The following NRXN1 variants were observed in gnomAD, a reference collection of about 807,000 sequenced individuals.
The protein encoded by NRXN1 is neurexin-1.
NRXN1 carries 39 observed loss-of-function variants against 150.9 expected under a neutral mutation model. The ratio of observed to expected loss-of-function variants is 0.26; its 90% CI spans 0.20 to 0.34. The LOEUF (loss-of-function observed/expected upper bound fraction) is 0.34, where lower values mean the gene tolerates loss of function less well. Among genes scored for constraint, NRXN1 ranks in the 10% least tolerant of loss-of-function variants. The pLI is 1.00. For synonymous variants in NRXN1, 924 were observed against 757.0 expected, an observed-to-expected ratio of 1.22 and a Z score of -3.62; for missense variants, 1,815 against 1,949.9, an observed-to-expected ratio of 0.93 and a Z score of 1.30.
chr2:50,074,083 T>C (rs1474260331), intron 19 of NRXN1, among the ~76,000 whole-genome samples: 2 of 152,072 alleles, frequency 1.3e-5, no homozygotes, highest in African/African-American at 4.8e-5. Flanking sequence ...GTCTTTAAAA[T>C]AAACAAAAAA....
Position 50,323,101 on chromosome 2 carries a change from C to T in NRXN1, c.3365-86131G>A, listed in dbSNP as rs372689066. On this transcript the variant is annotated intron_variant, in intron 17 of 22. Transcript: ENST00000401669. Reference sequence around the variant, plus strand: ...CATAAAACTTATCGGAAGCTTTCTTCCACCCAATTAACAAATCCCTGAGGG... The same window carrying T: ...CATAAAACTTATCGGAAGCTTTCTTTCACCCAATTAACAAATCCCTGAGGG... Among the ~76,000 whole-genome samples, 30 of 152,262 alleles carry T rather than the reference C, an allele frequency of 2.0e-4. No homozygotes were observed. The East Asian group carries it at 4.2e-3, about 22-fold the overall frequency.
intron 5 of NRXN1, among the ~76,000 whole-genome samples, chr2:50,899,238 G>C (rs889865532): frequency 2.0e-5 from 3 of 152,110 alleles, no homozygotes; most frequent in African/African-American, 4.8e-5. Context: ...ATTTGAATTA[G>C]CCGGATTCCA....
Position 50,621,220 on chromosome 2 carries a change from G to C in NRXN1, c.1158+6C>G. ...TGATATCTACCGAACAATGTAGTTT[G>C]TTTACCATAGCGTGTCCAATGCCTG... is the stretch of plus-strand genomic sequence containing the variant. On this transcript the variant is annotated splice_donor_region_variant and intron_variant, in intron 7 of 22. Transcript: ENST00000401669. 1 of 1,568,734 alleles carries C rather than the reference G, an allele frequency of 6.4e-7. No homozygotes were observed. The highest frequency in any genetic ancestry group is 8.7e-7 in the Non-Finnish European group (1 of 1,155,390).
At chr2:50,765,709 C>T (rs1280692637) in intron 5 of NRXN1, among the ~76,000 whole-genome samples, 2 of 152,028 alleles carry the variant, frequency 1.3e-5, no homozygotes, top group Non-Finnish European at 2.9e-5. Flanking sequence ...TTCAGCCATG[C>T]TCCTTCTAAG....
chr2:50,917,331 G>T (rs140913087), intron 5 of NRXN1: 1 of 151,674 alleles, frequency 6.6e-6, no homozygotes, highest in African/African-American at 2.4e-5. Context: ...ACCAAATTAG[G>T]TCTATATCAG....
At chr2:50,459,958 A>G (rs1467852369) in intron 17 of NRXN1, among the ~76,000 whole-genome samples, 1 of 152,108 alleles carries the variant, frequency 6.6e-6, no homozygotes, top group African/African-American at 2.4e-5. Flanking sequence ...AAGTAACATG[A>G]TAAACACGGA....
chr2:50,648,996 TG>T (rs1259417827), intron 5 of NRXN1, among the ~76,000 whole-genome samples: 1 of 151,972 alleles, frequency 6.6e-6, no homozygotes, highest in Non-Finnish European at 1.5e-5. Flanking sequence ...TCAGTCAATC[TG>T]AATGTCCCCT....
chr2:50,630,937 G>C (rs1682198591), intron 5 of NRXN1, among the ~76,000 whole-genome samples: 1 of 151,666 alleles, frequency 6.6e-6, no homozygotes, highest in Non-Finnish European at 1.5e-5. Context: ...TCTGCTATAA[G>C]ATAAAACAAC....
chr2:50,107,394 C>A (rs1180937405), intron 18 of NRXN1, among the ~76,000 whole-genome samples: 1 of 151,312 alleles, frequency 6.6e-6, no homozygotes, highest in African/African-American at 2.4e-5. Context: ...TATTGCACTA[C>A]CCATCTTTTA....
At chr2:50,270,876 G>A (rs943200738) in intron 17 of NRXN1, among the ~76,000 whole-genome samples, 2 of 151,940 alleles carry the variant, frequency 1.3e-5, no homozygotes, top group Admixed American at 1.3e-4. Context: ...CCAGGCTGGT[G>A]GCGAACTCCT....
At chr2:50,953,480 C>T (rs1300603497) in intron 2 of NRXN1, among the ~76,000 whole-genome samples, 1 of 151,954 alleles carries the variant, frequency 6.6e-6, no homozygotes, top group Non-Finnish European at 1.5e-5. Context: ...CATGTGAACT[C>T]CCTAAAAATT....
chr2:50,908,796 C>T (rs1183259711), intron 5 of NRXN1, among the ~76,000 whole-genome samples: 1 of 151,890 alleles, frequency 6.6e-6, no homozygotes, highest in Non-Finnish European at 1.5e-5. Context: ...ATGGAGCCCC[C>T]TTCATGGGAC....
At chr2:50,320,327 T>TAG (rs2075945240) in intron 17 of NRXN1, among the ~76,000 whole-genome samples, 6 of 123,626 alleles carry the variant, frequency 4.9e-5, no homozygotes, top group African/African-American at 9.0e-5. Context: ...TATATATATA[T>TAG]AGTATATGAT....
intron 5 of NRXN1, among the ~76,000 whole-genome samples, chr2:50,873,392 A>T (rs1433236260): frequency 6.6e-6 from 1 of 151,896 alleles, no homozygotes; most frequent in Non-Finnish European, 1.5e-5. Flanking sequence ...AGTTACTTCT[A>T]AAGAATTTCA....
intron 17 of NRXN1, among the ~76,000 whole-genome samples, chr2:50,265,225 A>T (rs2068714587): frequency 6.6e-6 from 1 of 152,142 alleles, no homozygotes; most frequent in Non-Finnish European, 1.5e-5. Flanking sequence ...CTGGTAAAAA[A>T]GTCTTGGGCA....
At chr2:50,518,919 A>AC (rs1553731223) in intron 12 of NRXN1, among the ~76,000 whole-genome samples, 6 of 151,232 alleles carry the variant, frequency 4.0e-5, no homozygotes, top group Admixed American at 1.3e-4. Flanking sequence ...AGAGAAAAAA[A>AC]CCCTAAGTTT....
chr2:50,917,075 C>A (rs1685313520), intron 5 of NRXN1: 1 of 151,502 alleles, frequency 6.6e-6, no homozygotes, highest in Admixed American at 6.6e-5. Flanking sequence ...CCGGTCTTCC[C>A]ACGGTCTGCG....
At chr2:49,946,146 C>CT (rs1672851836) in intron 21 of NRXN1, among the ~76,000 whole-genome samples, 1 of 152,114 alleles carries the variant, frequency 6.6e-6, no homozygotes. Flanking sequence ...TGATGATGAG[C>CT]TTTTTTTCAT....
intron 17 of NRXN1, among the ~76,000 whole-genome samples, chr2:50,247,141 A>C (rs1323752827): frequency 6.6e-6 from 1 of 152,082 alleles, no homozygotes; most frequent in Non-Finnish European, 1.5e-5. Flanking sequence ...GATTTCACCT[A>C]ATACAACAAT....
Sources: allele counts gnomAD v4.1 joint callset (sites outside exome capture counted in the v4.1 genomes callset), GRCh38; gene constraint gnomAD v4.1.1; transcripts MANE v1.5; gene names NCBI Gene and HGNC (gene_info 2026-07-23, HGNC 2026-07-21).